ASIC2: variants seen among roughly 807,000 people sequenced by gnomAD.
ASIC2 encodes acid sensing ion channel subunit 2, also known as acid-sensing ion channel 2.
Under a neutral mutation model 57.3 loss-of-function variants are expected in ASIC2, and 25 were observed. The observed-to-expected ratio is 0.44, with a 90% CI of 0.32 to 0.61. The LOEUF (loss-of-function observed/expected upper bound fraction) is 0.61, where lower values mean the gene tolerates loss of function less well. Ranked by LOEUF, ASIC2 falls within the 20% of genes least tolerant of loss-of-function variation. ASIC2 has a pLI of 0.06. For synonymous variants in ASIC2, 319 were observed against 307.5 expected (o/e 1.04, Z -0.39); for missense variants, 641 against 738.1 (o/e 0.87, Z 1.52).
At chr17:33,317,521 A>C (rs1906704498) in intron 1 of ASIC2, among the ~76,000 whole-genome samples, 1 of 152,234 alleles carries the variant, frequency 6.6e-6, no homozygotes, top group Non-Finnish European at 1.5e-5. Context: ...AGGGACACCC[A>C]ATGAAAATTC....
chr17:33,104,354 A>C (rs1354084475), intron 2 of ASIC2, among the ~76,000 whole-genome samples: 2 of 152,130 alleles, frequency 1.3e-5, no homozygotes, highest in Non-Finnish European at 2.9e-5. Context: ...AGCTTCTTTC[A>C]CCACCCCAGG....
chr17:33,803,041 A>G (rs1364455374), intron 1 of ASIC2, among the ~76,000 whole-genome samples: 1 of 152,238 alleles, frequency 6.6e-6, no homozygotes, highest in Non-Finnish European at 1.5e-5. Flanking sequence ...TCTCAGCTCC[A>G]AAGTCAGTCT....
chr17:33,985,417 G>A (rs1905783811), intron 1 of ASIC2, among the ~76,000 whole-genome samples: 1 of 152,158 alleles, frequency 6.6e-6, no homozygotes, highest in Non-Finnish European at 1.5e-5. Flanking sequence ...GGGTGGGCCT[G>A]ACATTCTGCA....
intron 1 of ASIC2, among the ~76,000 whole-genome samples, chr17:34,060,919 A>G (rs759004175): frequency 2.0e-5 from 3 of 152,194 alleles, no homozygotes; most frequent in Non-Finnish European, 4.4e-5. Flanking sequence ...GACTGGAAAT[A>G]TATTTTGGGG....
At chr17:33,865,761 A>C (rs1160832218) in intron 1 of ASIC2, among the ~76,000 whole-genome samples, 31 of 28,558 alleles carry the variant, frequency 1.1e-3, no homozygotes, top group African/African-American at 2.4e-3. Flanking sequence ...AAAAAAAATA[A>C]AAAAAAAAAA....
intron 1 of ASIC2, among the ~76,000 whole-genome samples, chr17:33,770,938 T>G (rs574127766): frequency 4.6e-5 from 7 of 152,132 alleles, no homozygotes; most frequent in Non-Finnish European, 8.8e-5. Flanking sequence ...CTGGGTATTA[T>G]TTGTCTATCT....
intron 1 of ASIC2, among the ~76,000 whole-genome samples, chr17:33,337,710 G>A (rs1323700158): frequency 1.3e-5 from 2 of 152,224 alleles, no homozygotes; most frequent in Non-Finnish European, 2.9e-5. Context: ...GAAGGGCAAA[G>A]AGGGTGGAAG....
At chr17:33,408,223 C>A (rs1910534334) in intron 1 of ASIC2, among the ~76,000 whole-genome samples, 1 of 152,160 alleles carries the variant, frequency 6.6e-6, no homozygotes, top group South Asian at 2.1e-4. Flanking sequence ...ATTCAATAAC[C>A]AACGTTTGTT....
chr17:33,788,372 A>T (rs765671450), intron 1 of ASIC2, among the ~76,000 whole-genome samples: 4 of 152,200 alleles, frequency 2.6e-5, no homozygotes, highest in African/African-American at 9.6e-5. Context: ...TCATGCCGAC[A>T]GAATGGTGAT....
intron 1 of ASIC2, among the ~76,000 whole-genome samples, chr17:33,452,140 A>G (rs1912273848): frequency 6.6e-6 from 1 of 152,228 alleles, no homozygotes; most frequent in Non-Finnish European, 1.5e-5. Context: ...CTGCCAACCT[A>G]AGGTGAGTAT....
chr17:34,119,400 A>G (rs896783214), intron 1 of ASIC2, among the ~76,000 whole-genome samples: 2 of 152,196 alleles, frequency 1.3e-5, no homozygotes, highest in Non-Finnish European at 2.9e-5. Flanking sequence ...CCTAATTTTT[A>G]TACAACATGT....
chr17:33,474,090 G>C (rs1224528629), intron 1 of ASIC2, among the ~76,000 whole-genome samples: 1 of 152,200 alleles, frequency 6.6e-6, no homozygotes, highest in Non-Finnish European at 1.5e-5. Flanking sequence ...TGGCATGCTG[G>C]ATGTGGTGGC....
chr17:33,875,699 T>C (rs1380796811), intron 1 of ASIC2, among the ~76,000 whole-genome samples: 1 of 152,210 alleles, frequency 6.6e-6, no homozygotes, highest in Non-Finnish European at 1.5e-5. Flanking sequence ...ACTAAGAAGA[T>C]GCTTAATGAA....
chr17:33,268,393 C>CCA (rs1909561092), intron 1 of ASIC2, among the ~76,000 whole-genome samples: 1 of 146,492 alleles, frequency 6.8e-6, no homozygotes, highest in Admixed American at 6.9e-5. Context: ...ATCCATCCAT[C>CCA]TATACATTTA....
At chr17:33,802,414 T>A (rs1475573785) in intron 1 of ASIC2, among the ~76,000 whole-genome samples, 2 of 152,186 alleles carry the variant, frequency 1.3e-5, no homozygotes, top group Non-Finnish European at 2.9e-5. Context: ...TGTTAAGCGA[T>A]GTGTGGCTGT....
chr17:33,432,171 C>G (rs1322327782), intron 1 of ASIC2, among the ~76,000 whole-genome samples: 1 of 152,188 alleles, frequency 6.6e-6, no homozygotes, highest in Non-Finnish European at 1.5e-5. Flanking sequence ...AGCAAGACCT[C>G]CTCTTCCTCC....
chr17:33,945,213 G>A (rs972364502), intron 1 of ASIC2, among the ~76,000 whole-genome samples: 2 of 152,186 alleles, frequency 1.3e-5, no homozygotes, highest in East Asian at 1.9e-4. Flanking sequence ...CTTAGAAAGG[G>A]AGTTACAATG....
chr17:33,579,489 G>A (rs540237698), intron 1 of ASIC2, among the ~76,000 whole-genome samples: 12 of 152,208 alleles, frequency 7.9e-5, no homozygotes, highest in African/African-American at 2.9e-4. Flanking sequence ...AGAATCACGT[G>A]CCTTACTGTG....
chr17:34,090,459 G>A (rs1447945521), intron 1 of ASIC2, among the ~76,000 whole-genome samples: 2 of 151,880 alleles, frequency 1.3e-5, no homozygotes, highest in Non-Finnish European at 2.9e-5. Context: ...CAACCATGCC[G>A]GTTGTGGTAC....
Sources: allele counts gnomAD v4.1 joint callset (sites outside exome capture counted in the v4.1 genomes callset), GRCh38; gene constraint gnomAD v4.1.1; transcripts MANE v1.5; gene names NCBI Gene and HGNC (gene_info 2026-07-23, HGNC 2026-07-21).